ARHGAP10: variants seen among roughly 807,000 people sequenced by gnomAD.
ARHGAP10 encodes rho GTPase-activating protein 10.
ARHGAP10 carries 87 observed loss-of-function variants against 108.6 expected under a neutral mutation model. The observed-to-expected ratio is 0.80, with a 90% CI of 0.67 to 0.96. The LOEUF is 0.96. Ranked by LOEUF, ARHGAP10 falls within the 40% of genes least tolerant of loss-of-function variation. The probability of loss-of-function intolerance (pLI) is 0.00; values close to 1 mark genes in which losing one functional copy is unlikely to be tolerated. For missense variants in ARHGAP10, 939 were observed against 954.5 expected, an observed-to-expected ratio of 0.98 and a Z score of 0.21; for synonymous variants, 347 against 341.1, an observed-to-expected ratio of 1.02 and a Z score of -0.19.
At chr4:147,911,595 T>C (rs188307399) in intron 12 of ARHGAP10, among the ~76,000 whole-genome samples, 15,705 of 151,908 alleles carry the variant, frequency 0.1, 2,458 homozygotes, top group African/African-American at 0.34. Context: ...ATCTCCTGAC[T>C]TCGTGATCCG....
chr4:147,876,363 T>C (rs1460733976), intron 8 of ARHGAP10, among the ~76,000 whole-genome samples: 1 of 152,072 alleles, frequency 6.6e-6, no homozygotes, highest in Non-Finnish European at 1.5e-5. Flanking sequence ...GAGGCCGAGG[T>C]GGGCAGATCA....
At position 147,732,255 on chromosome 4, in the gene ARHGAP10, G is replaced by C. The variant is rs566859354; in HGVS notation, c.-47G>C. 116 of 1,551,022 alleles carry C rather than the reference G, an allele frequency of 7.5e-5. No homozygotes were observed. In the East Asian group the frequency reaches 2.1e-3, roughly 28 times the overall value. On this transcript the variant is annotated 5_prime_UTR_variant, in exon 1 of 23. Coordinates refer to ENST00000336498, the MANE Select transcript of ARHGAP10 (RefSeq NM_024605.4). ...TGGCAGCGGCCTCGGAGCTCGGCTCGGGCAGGAGCGCGCGGCCGTGCGCAC... is the reference window on the plus strand; with the variant it reads ...TGGCAGCGGCCTCGGAGCTCGGCTCCGGCAGGAGCGCGCGGCCGTGCGCAC...
chr4:147,832,340 A>AT (rs1732983486), intron 3 of ARHGAP10, among the ~76,000 whole-genome samples: 2 of 151,234 alleles, frequency 1.3e-5, no homozygotes, highest in African/African-American at 4.9e-5. Flanking sequence ...TTGACCACTT[A>AT]ATTTTTTTTT....
chr4:147,886,455 T>G (rs1735567904), intron 10 of ARHGAP10, among the ~76,000 whole-genome samples: 1 of 152,228 alleles, frequency 6.6e-6, no homozygotes, highest in Non-Finnish European at 1.5e-5. Flanking sequence ...TTCTACCACC[T>G]TCTTTCCTAA....
intron 4 of ARHGAP10, 104 bp downstream of exon 4, chr4:147,847,326 C>A (rs1034082765): frequency 1.7e-5 from 18 of 1,049,124 alleles, no homozygotes; most frequent in Admixed American, 4.6e-5. Flanking sequence ...CCGGAGCAAA[C>A]CATCTGTTGT....
chr4:147,755,794 A>AGTGGTTGTGG (rs1258167902), intron 1 of ARHGAP10, among the ~76,000 whole-genome samples: 1 of 151,710 alleles, frequency 6.6e-6, no homozygotes, highest in Non-Finnish European at 1.5e-5. Context: ...GGTGTGTGTG[A>AGTGGTTGTGG]GTGGTTGTGG....
intron 13 of ARHGAP10, among the ~76,000 whole-genome samples, chr4:147,922,259 G>A (rs1466641146): frequency 6.6e-6 from 1 of 152,050 alleles, no homozygotes; most frequent in African/African-American, 2.4e-5. Flanking sequence ...AGGGAGGCAG[G>A]CACTCAGATT....
chr4:148,064,903 A>G (rs1729796657), intron 22 of ARHGAP10, among the ~76,000 whole-genome samples: 1 of 152,258 alleles, frequency 6.6e-6, no homozygotes, highest in Admixed American at 6.5e-5. Context: ...CTGAGTCAAC[A>G]GAGGATACTA....
chr4:147,998,375 C>T (rs1740561948), intron 18 of ARHGAP10, among the ~76,000 whole-genome samples: 1 of 152,158 alleles, frequency 6.6e-6, no homozygotes, highest in African/African-American at 2.4e-5. Flanking sequence ...CCCCAAAAAG[C>T]ACCAGAGTCA....
intron 1 of ARHGAP10, among the ~76,000 whole-genome samples, chr4:147,799,332 G>T (rs1033903031): frequency 6.6e-6 from 1 of 152,040 alleles, no homozygotes; most frequent in Non-Finnish European, 1.5e-5. Flanking sequence ...TGTTTATTCT[G>T]ATCATAAATT....
At chr4:147,753,498 C>A (rs7669809) in intron 1 of ARHGAP10, among the ~76,000 whole-genome samples, 6 of 150,734 alleles carry the variant, frequency 4.0e-5, no homozygotes, top group Non-Finnish European at 5.9e-5. Flanking sequence ...TGTGCACCAC[C>A]GTACCTGGCT....
At chr4:147,992,465 T>C (rs918645000) in intron 18 of ARHGAP10, among the ~76,000 whole-genome samples, 1 of 152,202 alleles carries the variant, frequency 6.6e-6, no homozygotes, top group African/African-American at 2.4e-5. Context: ...TGGAGTGCAA[T>C]GGCGCTATCT....
chr4:147,805,327 T>C (rs1392824787), intron 1 of ARHGAP10, among the ~76,000 whole-genome samples: 1 of 152,314 alleles, frequency 6.6e-6, no homozygotes, highest in Admixed American at 6.5e-5. Flanking sequence ...CTGTTCCATT[T>C]GTCTGTGTGT....
intron 1 of ARHGAP10, among the ~76,000 whole-genome samples, chr4:147,766,627 T>TACAC (rs1729827565): frequency 7.2e-6 from 1 of 138,922 alleles, no homozygotes; most frequent in Non-Finnish European, 1.6e-5. Context: ...TATACACATA[T>TACAC]ATATACGTAT....
intron 1 of ARHGAP10, among the ~76,000 whole-genome samples, chr4:147,792,652 G>A (rs1731164538): frequency 6.6e-6 from 1 of 151,934 alleles, no homozygotes; most frequent in African/African-American, 2.4e-5. Context: ...CTGGGGCCTT[G>A]CTTTTCTTAT....
At chr4:147,838,276 T>A (rs536969822) in intron 3 of ARHGAP10, among the ~76,000 whole-genome samples, 1 of 152,294 alleles carries the variant, frequency 6.6e-6, no homozygotes, top group Admixed American at 6.5e-5. Flanking sequence ...GCCAAAAGTA[T>A]ATGTTAGCAG....
chr4:147,889,055 T>C (rs1032980421), intron 10 of ARHGAP10, among the ~76,000 whole-genome samples: 1 of 152,200 alleles, frequency 6.6e-6, no homozygotes, highest in Non-Finnish European at 1.5e-5. Flanking sequence ...GCTTTATACA[T>C]GGTGGACATT....
chr4:148,062,666 T>C (rs920529162), intron 20 of ARHGAP10, among the ~76,000 whole-genome samples: 6 of 152,200 alleles, frequency 3.9e-5, no homozygotes, highest in African/African-American at 1.4e-4. Flanking sequence ...TGGCCCTCTC[T>C]AGAGGAAGCC....
intron 10 of ARHGAP10, among the ~76,000 whole-genome samples, chr4:147,882,455 T>C (rs1735363576): frequency 2.8e-5 from 2 of 70,842 alleles, no homozygotes; most frequent in South Asian, 1.4e-3. Flanking sequence ...AGAGTGAGAC[T>C]CCGTTTCAAA....
Sources: allele counts gnomAD v4.1 joint callset (sites outside exome capture counted in the v4.1 genomes callset), GRCh38; gene constraint gnomAD v4.1.1; transcripts MANE v1.5; gene names NCBI Gene and HGNC (gene_info 2026-07-23, HGNC 2026-07-21).